ACSL3: variants seen among roughly 807,000 people sequenced by gnomAD.
ACSL3 encodes acyl-CoA synthetase long chain family member 3, also known as fatty acid CoA ligase Acsl3.
Under a neutral mutation model 84.7 loss-of-function variants are expected in ACSL3, and 34 were observed. The observed-to-expected ratio is 0.40, with a 90% CI of 0.31 to 0.53. The LOEUF is 0.53. Ranked by LOEUF, ACSL3 falls within the 20% of genes least tolerant of loss-of-function variation. The probability of loss-of-function intolerance (pLI) is 0.48; values close to 1 mark genes in which losing one functional copy is unlikely to be tolerated. For missense variants in ACSL3, 680 were observed against 873.1 expected (o/e 0.78, Z 2.79); for synonymous variants, 315 against 299.4 (o/e 1.05, Z -0.54).
chr2:222,879,402 T>C (rs1695534884), intron 1 of ACSL3, among the ~76,000 whole-genome samples: 1 of 150,860 alleles, frequency 6.6e-6, no homozygotes, highest in Admixed American at 6.6e-5. Context: ...TTTTCATTGC[T>C]AACTCCCCCC....
At position 222,918,059 on chromosome 2, in the gene ACSL3, T is replaced by C. The variant is rs1199320326; in HGVS notation, c.570T>C (p.Tyr190=). The change falls in exon 6 of 17, where the codon TAT becomes TAC. Residue 190 remains tyrosine, a synonymous_variant. Transcript: ENST00000357430. ...TTTTCCTTTTAGTTGTTACATTATA[T>C]GCCACTCTAGGAGGTCCAGCCATTG... ...FMYNFQLVTL[Y]ATLGGPAIVH... is the part of the protein sequence containing the mutation. The C allele has an allele frequency of 6.2e-7, 1 of 1,610,540 alleles. No individual in the cohort carries two copies. Among genetic ancestry groups the C allele is most frequent in the Non-Finnish European group, 8.5e-7 (1 of 1,177,950 alleles).
chr2:222,918,072 G>T lies in ACSL3; in HGVS notation c.583G>T (p.Gly195Cys), dbSNP rs1168780789. The change falls in exon 6 of 17, where the codon GGT (glycine) becomes TGT (cysteine). Residue 195 changes from glycine to cysteine, a missense_variant. Gly to Cys is a radical substitution (Grantham distance 159). This residue lies in a region of ACSL3 where 333 missense variants were observed against 347.5 expected (regional missense o/e 0.96). Transcript: ENST00000357430. ...QLVTLYATLGGPAIVHALNET... is the reference protein window; with the variant it reads ...QLVTLYATLGCPAIVHALNET... The stretch of plus-strand genomic sequence containing the variant: ...TGTTACATTATATGCCACTCTAGGA[G>T]GTCCAGCCATTGTTCATGCATTAAA... The T allele has an allele frequency of 6.2e-7, 1 of 1,611,678 alleles. No individual in the cohort carries two copies. Among genetic ancestry groups the T allele is most frequent in the Non-Finnish European group, 8.5e-7 (1 of 1,178,716 alleles).
intron 8 of ACSL3, among the ~76,000 whole-genome samples, chr2:222,922,223 CACA>C (rs750196962): frequency 1.3e-5 from 2 of 152,096 alleles, no homozygotes; most frequent in Non-Finnish European, 2.9e-5. Context: ...ATCCAATTCC[CACA>C]ACAAGAGTCT....
chr2:222,908,577 C>T (rs1203170769), intron 3 of ACSL3, among the ~76,000 whole-genome samples, 156 bp from the exon 4 acceptor site: 3 of 151,954 alleles, frequency 2.0e-5, no homozygotes, highest in African/African-American at 7.3e-5. Flanking sequence ...AGATATTGTA[C>T]AAATGAGTCT....
rs1363963527 is a variant in ACSL3 at position 222,934,533 on chromosome 2, T to C, written c.1851T>C (p.Tyr617=). 6.4e-7 allele frequency: 1 copy of C among 1,554,862 alleles called. No homozygotes were observed. The highest frequency in any genetic ancestry group is 8.7e-7 in the Non-Finnish European group (1 of 1,149,554). Residue 617 remains tyrosine, a synonymous_variant, in exon 16 of 17, where the codon TAT becomes TAC. Coordinates refer to ENST00000357430, the MANE Select transcript of ACSL3 (RefSeq NM_004457.5). The part of the protein sequence containing the change: ...VDNICAYANS[Y]HSYVIGFVVP... ...TGTTATCCTTTCTATATTTCAGTTA[T>C]CATTCTTATGTCATTGGATTTGTTG... is the stretch of plus-strand genomic sequence containing the variant.
chr2:222,907,543 T>C (rs1034151769), intron 3 of ACSL3, among the ~76,000 whole-genome samples: 1 of 152,084 alleles, frequency 6.6e-6, no homozygotes, highest in African/African-American at 2.4e-5. Flanking sequence ...GGAGAATTGC[T>C]TGAAGCCAGG....
At chr2:222,933,921 T>C (rs1049764776) in intron 15 of ACSL3, among the ~76,000 whole-genome samples, 17 of 152,352 alleles carry the variant, frequency 1.1e-4, no homozygotes, top group African/African-American at 4.1e-4. Context: ...TTCTGGTCTT[T>C]AGCCATTTAG....
chr2:222,926,990 C>T (rs1268012369), intron 11 of ACSL3, 27 bp from the exon 12 acceptor site: 3 of 1,603,978 alleles, frequency 1.9e-6, no homozygotes, highest in African/African-American at 2.7e-5. Flanking sequence ...TTTTAAAATC[C>T]TGTGGTTCTC....
chr2:222,933,114 A>T (rs995085036), intron 14 of ACSL3, 52 bp from the exon 15 acceptor site: 9 of 1,076,738 alleles, frequency 8.4e-6, no homozygotes, highest in Non-Finnish European at 1.3e-5. Flanking sequence ...ATTAAATGTT[A>T]CTAATATTAT....
At chr2:222,920,409 A>G (rs542572415) in intron 7 of ACSL3, among the ~76,000 whole-genome samples, 14 of 152,278 alleles carry the variant, frequency 9.2e-5, no homozygotes, top group South Asian at 6.2e-4. Context: ...TGCCACCTCT[A>G]TAGCTTCTCA....
At chr2:222,879,096 C>T (rs1053327039) in intron 1 of ACSL3, among the ~76,000 whole-genome samples, 2 of 152,184 alleles carry the variant, frequency 1.3e-5, no homozygotes, top group African/African-American at 4.8e-5. Context: ...GCGGGTGGAT[C>T]ACCTGAGGTC....
chr2:222,911,201 C>T (rs1183602365), intron 4 of ACSL3, among the ~76,000 whole-genome samples: 5 of 152,168 alleles, frequency 3.3e-5, no homozygotes, highest in African/African-American at 9.7e-5. Flanking sequence ...AGGCATGCGC[C>T]ACCACGTCCG....
intron 2 of ACSL3, among the ~76,000 whole-genome samples, chr2:222,898,600 G>A (rs1175257165): frequency 6.6e-6 from 1 of 152,146 alleles, no homozygotes. Flanking sequence ...CGAGGCGGGC[G>A]GATCACGAGG....
At chr2:222,923,750 A>G (rs561221476) in intron 10 of ACSL3, among the ~76,000 whole-genome samples, 2 of 151,424 alleles carry the variant, frequency 1.3e-5, no homozygotes, top group Non-Finnish European at 2.9e-5. Context: ...TACGTCAAGA[A>G]TAATTACATA....
At chr2:222,909,928 A>G (rs1247525733) in intron 4 of ACSL3, among the ~76,000 whole-genome samples, 1 of 152,046 alleles carries the variant, frequency 6.6e-6, no homozygotes, top group African/African-American at 2.4e-5. Context: ...AGTTGAGGTA[A>G]CCTACCCCAG....
chr2:222,905,866 CTT>C (rs75375146), intron 3 of ACSL3, among the ~76,000 whole-genome samples: 2 of 143,128 alleles, frequency 1.4e-5, no homozygotes, highest in Non-Finnish European at 1.5e-5. Flanking sequence ...TCCTTTAGTT[CTT>C]TTTTTTTTTT....
intron 1 of ACSL3, among the ~76,000 whole-genome samples, chr2:222,873,165 AT>A (rs1229707627): frequency 7.2e-5 from 11 of 152,314 alleles, no homozygotes; most frequent in African/African-American, 2.6e-4. Context: ...TATGATTTGA[AT>A]TTTATGATTA....
intron 7 of ACSL3, among the ~76,000 whole-genome samples, chr2:222,920,723 G>A (rs1004063647): frequency 2.6e-5 from 4 of 152,004 alleles, no homozygotes; most frequent in African/African-American, 9.7e-5. Flanking sequence ...CATCCAGAAC[G>A]TAATCCAGAG....
At chr2:222,908,483 T>C (rs1022677430) in intron 3 of ACSL3, among the ~76,000 whole-genome samples, 5 of 152,186 alleles carry the variant, frequency 3.3e-5, no homozygotes, top group Non-Finnish European at 4.4e-5. Flanking sequence ...CTGGGAAATG[T>C]TTGTGGATAC....
Sources: gnomAD v4.1 joint callset for allele counts (sites outside exome capture counted in the v4.1 genomes callset) on GRCh38, gnomAD v4.1.1 for gene constraint, gnomAD v4.1.1 regional missense constraint, MANE v1.5 for transcripts, NCBI Gene and HGNC (gene_info 2026-07-23, HGNC 2026-07-21) for gene names.